Variants in C1QTNF7 observed in about 807,000 individuals in gnomAD.
C1QTNF7 encodes C1q and TNF related 7, also known as complement C1q tumor necrosis factor-related protein 7.
Under a neutral mutation model 19.6 loss-of-function variants are expected in C1QTNF7, and 15 were observed. That is an observed-to-expected ratio of 0.76 (90% CI 0.51 to 1.18). The LOEUF (loss-of-function observed/expected upper bound fraction) is 1.18, where lower values mean the gene tolerates loss of function less well. Ranked by LOEUF, C1QTNF7 falls within the 50% of genes most tolerant of loss-of-function variation. The pLI is 0.00. For synonymous variants in C1QTNF7, 142 were observed against 137.5 expected, an observed-to-expected ratio of 1.03 and a Z score of -0.23; for missense variants, 324 against 359.7, an observed-to-expected ratio of 0.90 and a Z score of 0.80.
intron 1 of C1QTNF7, among the ~76,000 whole-genome samples, chr4:15,377,037 G>T (rs1441567758): frequency 1.3e-5 from 2 of 152,178 alleles, no homozygotes; most frequent in Non-Finnish European, 2.9e-5. Context: ...CATCAATTAA[G>T]CCCTCACTCT....
chr4:15,404,879 C>A (rs905480330), intron 1 of C1QTNF7, among the ~76,000 whole-genome samples: 4 of 152,150 alleles, frequency 2.6e-5, no homozygotes, highest in Non-Finnish European at 5.9e-5. Flanking sequence ...TGATCACGAG[C>A]CCTTATTCCA....
At chr4:15,351,582 A>G (rs1446070072) in intron 1 of C1QTNF7, among the ~76,000 whole-genome samples, 1 of 152,208 alleles carries the variant, frequency 6.6e-6, no homozygotes, top group Admixed American at 6.5e-5. Context: ...CAACCAGGGA[A>G]AAGTCCCAGA....
At chr4:15,354,315 G>A (rs1234058263) in intron 1 of C1QTNF7, among the ~76,000 whole-genome samples, 1 of 152,160 alleles carries the variant, frequency 6.6e-6, no homozygotes, top group Non-Finnish European at 1.5e-5. Context: ...AGAGAATACA[G>A]GAGAAATAAT....
intron 2 of C1QTNF7, among the ~76,000 whole-genome samples, chr4:15,439,425 A>G (rs562167769): frequency 6.6e-6 from 1 of 152,320 alleles, no homozygotes; most frequent in African/African-American, 2.4e-5. Flanking sequence ...CTTTCGTTTC[A>G]AGGATTGGGA....
chr4:15,371,665 A>G (rs951666239), intron 1 of C1QTNF7, among the ~76,000 whole-genome samples: 3 of 152,238 alleles, frequency 2.0e-5, no homozygotes, highest in Non-Finnish European at 4.4e-5. Context: ...ATAAGAGAAT[A>G]TAGCGAGGAA....
intron 1 of C1QTNF7, among the ~76,000 whole-genome samples, chr4:15,414,411 A>G (rs1207011694): frequency 6.6e-6 from 1 of 152,182 alleles, no homozygotes; most frequent in Non-Finnish European, 1.5e-5. Flanking sequence ...TTTTACACAC[A>G]CTATAACCTA....
chr4:15,397,565 G>A (rs953849905), intron 1 of C1QTNF7, among the ~76,000 whole-genome samples: 14 of 152,202 alleles, frequency 9.2e-5, no homozygotes, highest in African/African-American at 3.4e-4. Flanking sequence ...GTGGTTACAG[G>A]CCTGAGCTTA....
At chr4:15,389,942 T>C (rs1718494818) in intron 1 of C1QTNF7, among the ~76,000 whole-genome samples, 1 of 152,148 alleles carries the variant, frequency 6.6e-6, no homozygotes, top group African/African-American at 2.4e-5. Context: ...ATCCCACAAA[T>C]CAGGGTTATT....
At chr4:15,408,875 A>G (rs1223219107) in intron 1 of C1QTNF7, among the ~76,000 whole-genome samples, 1 of 152,182 alleles carries the variant, frequency 6.6e-6, no homozygotes, top group Non-Finnish European at 1.5e-5. Flanking sequence ...CATGTGTTGA[A>G]GCCCTAACCC....
intron 2 of C1QTNF7, among the ~76,000 whole-genome samples, chr4:15,437,228 A>T (rs1287899127): frequency 2.0e-5 from 3 of 152,064 alleles, no homozygotes; most frequent in Non-Finnish European, 4.4e-5. Flanking sequence ...CTATACAAAC[A>T]AACATTGGAG....
At chr4:15,433,085 CAGTTGCT>C (rs1193184339) in intron 1 of C1QTNF7, among the ~76,000 whole-genome samples, 1 of 152,206 alleles carries the variant, frequency 6.6e-6, no homozygotes, top group Non-Finnish European at 1.5e-5. Flanking sequence ...AACTTCTCTG[CAGTTGCT>C]TTCAGGTCCC....
chr4:15,422,879 A>T (rs1307829210), intron 1 of C1QTNF7, among the ~76,000 whole-genome samples: 1 of 152,126 alleles, frequency 6.6e-6, no homozygotes, highest in Non-Finnish European at 1.5e-5. Flanking sequence ...AAAATGCTGG[A>T]ATTACAGTTA....
intron 1 of C1QTNF7, among the ~76,000 whole-genome samples, chr4:15,347,530 A>T (rs1000472639): frequency 2.0e-5 from 3 of 152,130 alleles, no homozygotes; most frequent in African/African-American, 7.2e-5. Flanking sequence ...AGGTATCCAG[A>T]CTTGCTCACC....
At chr4:15,388,355 G>A (rs781163809) in intron 1 of C1QTNF7, among the ~76,000 whole-genome samples, 7 of 152,248 alleles carry the variant, frequency 4.6e-5, no homozygotes, top group Middle Eastern at 3.4e-3. Flanking sequence ...TTTTCCTCCC[G>A]TCCATCCAGC....
chr4:15,362,034 T>C (rs1478071357), intron 1 of C1QTNF7, among the ~76,000 whole-genome samples: 10 of 152,172 alleles, frequency 6.6e-5, no homozygotes, highest in Non-Finnish European at 1.2e-4. Flanking sequence ...GCCGACTGGG[T>C]TCCAATCCAA....
At chr4:15,395,554 C>T (rs10003338) in intron 1 of C1QTNF7, among the ~76,000 whole-genome samples, 54,748 of 151,910 alleles carry the variant, frequency 0.36, 10,150 homozygotes, top group East Asian at 0.54. Flanking sequence ...ACAACCACAA[C>T]CCAGTTAAAA....
chr4:15,344,119 G>A (rs1716637053), intron 1 of C1QTNF7, among the ~76,000 whole-genome samples: 1 of 152,178 alleles, frequency 6.6e-6, no homozygotes, highest in Non-Finnish European at 1.5e-5. Context: ...AGAACAGCGT[G>A]GAAAGTAGCA....
chr4:15,414,963 C>G (rs1577268353), intron 1 of C1QTNF7, among the ~76,000 whole-genome samples: 1 of 152,210 alleles, frequency 6.6e-6, no homozygotes, highest in Admixed American at 6.5e-5. Context: ...TGCCTTGAAA[C>G]CAAACATATT....
At chr4:15,352,753 T>C (rs1489923064) in intron 1 of C1QTNF7, among the ~76,000 whole-genome samples, 1 of 152,164 alleles carries the variant, frequency 6.6e-6, no homozygotes, top group East Asian at 1.9e-4. Flanking sequence ...TTCTCAGCAC[T>C]GTTCATCTCC....
Sources: gnomAD v4.1 joint callset for allele counts (sites outside exome capture counted in the v4.1 genomes callset) on GRCh38, gnomAD v4.1.1 for gene constraint, MANE v1.5 for transcripts, NCBI Gene and HGNC (gene_info 2026-07-23, HGNC 2026-07-21) for gene names.